NDUFAF4: variants seen among roughly 807,000 people sequenced by gnomAD.
The protein encoded by NDUFAF4 is NADH:ubiquinone oxidoreductase complex assembly factor 4.
In NDUFAF4, 10 loss-of-function variants were observed where a neutral mutation model predicts 15.6. The observed-to-expected ratio is 0.64, with a 90% CI of 0.40 to 1.09. The LOEUF (loss-of-function observed/expected upper bound fraction) is 1.09, where lower values mean the gene tolerates loss of function less well. Among genes scored for constraint, NDUFAF4 ranks in the 50% least tolerant of loss-of-function variants. The probability of loss-of-function intolerance (pLI) is 0.01; values close to 1 mark genes in which losing one functional copy is unlikely to be tolerated. For synonymous variants in NDUFAF4, 77 were observed against 73.3 expected (o/e 1.05, Z -0.26); for missense variants, 203 against 207.3 (o/e 0.98, Z 0.13).
At chr6:96,897,037 C>T (rs1775386650) in intron 1 of NDUFAF4, 190 bp from the exon 2 acceptor site, 2 of 533,140 alleles carry the variant, frequency 3.8e-6, no homozygotes, top group East Asian at 7.0e-5. Context: ...AGAGATTCTC[C>T]CACCTCAGCC....
At position 96,891,304 on chromosome 6, in the gene NDUFAF4, G is replaced by C; in HGVS notation, c.328C>G (p.Pro110Ala). 6.2e-7 allele frequency: 1 copy of C among 1,613,578 alleles called. No homozygotes were observed. Among genetic ancestry groups the C allele is most frequent in the Non-Finnish European group, 8.5e-7 (1 of 1,179,818 alleles). ...TCTACAATGGAAATTTTGCCTTTGG[G>C]AATGCTCTTAATATTTATCATATCA... ...HFDMINIKSIPKGKISIVEAL... is the reference protein window; with the variant it reads ...HFDMINIKSIAKGKISIVEAL... Residue 110 changes from proline to alanine, a missense_variant, in exon 3 of 3, where the codon CCC (proline) becomes GCC (alanine). Transcript: ENST00000316149.
chr6:96,897,666 G>A lies in NDUFAF4; in HGVS notation c.136C>T (p.Leu46Phe), dbSNP rs1441360651. Reference sequence around the variant, plus strand: ...CCCGAAACGCCCTCGCACCACTCACGACTAATCTGCTCTCGCAGGAGGCTG... The same window carrying A: ...CCCGAAACGCCCTCGCACCACTCACAACTAATCTGCTCTCGCAGGAGGCTG... Reference protein sequence around the residue: ...TNSLLREQISLYPEVKGEIAR... With the variant: ...TNSLLREQISFYPEVKGEIAR... The change falls in exon 1 of 3, where the codon CTC (leucine) becomes TTC (phenylalanine). Residue 46 changes from leucine to phenylalanine, a missense_variant and splice_region_variant. Physicochemically the swap from Leu to Phe is conservative, Grantham distance 22 (BLOSUM62 0). Transcript: ENST00000316149. The A allele has an allele frequency of 3.7e-6, 6 of 1,613,880 alleles. No individual in the cohort carries two copies. The highest frequency in any genetic ancestry group is 4.2e-6 in the Non-Finnish European group (5 of 1,179,890).
At chr6:96,896,614 G>GC (rs1443370760) in intron 2 of NDUFAF4, 130 bp downstream of exon 2, 1 of 752,432 alleles carries the variant, frequency 1.3e-6, no homozygotes, top group African/African-American at 1.7e-5. Context: ...CTTAAACTTT[G>GC]CCAAGGCGTG....
At chr6:96,895,158 C>T (rs181315210) in intron 2 of NDUFAF4, among the ~76,000 whole-genome samples, 3 of 152,170 alleles carry the variant, frequency 2.0e-5, no homozygotes, top group Admixed American at 6.6e-5. Context: ...CTATTCCACA[C>T]ATCAAAGACC....
At chr6:96,896,345 A>G (rs542791527) in intron 2 of NDUFAF4, among the ~76,000 whole-genome samples, 1 of 152,308 alleles carries the variant, frequency 6.6e-6, no homozygotes, top group African/African-American at 2.4e-5. Flanking sequence ...AAATCCAACA[A>G]CACCACTTAC....
Position 96,890,777 on chromosome 6 carries a change from G to A in NDUFAF4, c.*327C>T. 1 of 245,584 alleles carries A rather than the reference G, an allele frequency of 4.1e-6. No homozygotes were observed. The highest frequency in any genetic ancestry group is 5.4e-5 in the South Asian group (1 of 18,598). The allele number at this position is 245,584 out of a possible 1,614,324, so 15.2% of individuals were successfully genotyped here. A position where few individuals can be genotyped will look rare whatever the true frequency, so the allele number is the denominator to read the frequency against. ...AGTAAAACTCAGTTGAGGGATTCAG[G>A]ACATTTCCCAAGGGGTAATATGACC... On this transcript the variant is annotated 3_prime_UTR_variant, in exon 3 of 3. Coordinates refer to ENST00000316149, the MANE Select transcript of NDUFAF4 (RefSeq NM_014165.4).
chr6:96,897,779 C>G lies in NDUFAF4; in HGVS notation c.23G>C (p.Gly8Ala). Residue 8 changes from glycine (G) to alanine (A), a missense_variant, in exon 1 of 3, where the codon GGT becomes GCT. Physicochemically the swap from Gly to Ala is moderately conservative, Grantham distance 60 (BLOSUM62 0). Coordinates refer to ENST00000316149, the MANE Select transcript of NDUFAF4 (RefSeq NM_014165.4). ...GTTCTCTAGGTTGAAATTCCTGATA[C>G]CGCGAATCACTAGTGCTCCCATCTC... MGALVIR[G>A]IRNFNLENRA... 1 of 1,614,154 alleles carries G rather than the reference C, an allele frequency of 6.2e-7. No homozygotes were observed. Among genetic ancestry groups the G allele is most frequent in the Non-Finnish European group, 8.5e-7 (1 of 1,179,964 alleles).
In NDUFAF4 at chr6:96,889,336, A is replaced by G. The variant is rs1293168972; in HGVS notation, c.*1768T>C. On this transcript the variant is annotated 3_prime_UTR_variant, in exon 3 of 3. Coordinates refer to ENST00000316149, the MANE Select transcript of NDUFAF4 (RefSeq NM_014165.4). ...TGAATGGTATGGGAAGAAGTTCTTT[A>G]TTTTATCATGTGACACCACATAACA... is the stretch of plus-strand genomic sequence containing the variant. The G allele has an allele frequency of 1.3e-5, 2 of 152,148 alleles. No homozygotes were observed. Among genetic ancestry groups the G allele is most frequent in the African/African-American group, 2.4e-5 (1 of 41,406 alleles). The allele number at this position is 152,148 out of a possible 1,614,324, so 9.4% of individuals were successfully genotyped here. A position where few individuals can be genotyped will look rare whatever the true frequency, so the allele number is the denominator to read the frequency against.
In NDUFAF4 at chr6:96,890,608, T is replaced by C. The variant is rs1349132031; in HGVS notation, c.*496A>G. The C allele has an allele frequency of 6.5e-6, 1 of 154,010 alleles. No individual in the cohort carries two copies. The highest frequency in any genetic ancestry group is 1.4e-5 in the Non-Finnish European group (1 of 69,344). The allele number at this position is 154,010 out of a possible 1,614,324, so 9.5% of individuals were successfully genotyped here. ...TAGATTCTATTGATTCATTTTCTCC[T>C]GTGTGCCTTTATTTGGGAACTACTG... On this transcript the variant is annotated 3_prime_UTR_variant, in exon 3 of 3. Coordinates refer to ENST00000316149, the MANE Select transcript of NDUFAF4 (RefSeq NM_014165.4).
Position 96,890,291 on chromosome 6 carries a change from G to T in NDUFAF4, c.*813C>A, listed in dbSNP as rs1775298300. ...GTAATCACCAAATTTCATCTACCAT[G>T]GTTTTTTAATTATTCTTTAAATTTT... is the stretch of plus-strand genomic sequence containing the variant. On this transcript the variant is annotated 3_prime_UTR_variant, in exon 3 of 3. Coordinates refer to ENST00000316149, the MANE Select transcript of NDUFAF4 (RefSeq NM_014165.4). 6.6e-6 allele frequency: 1 copy of T among 151,870 alleles called. No individual in the cohort carries two copies. The highest frequency in any genetic ancestry group is 2.1e-4 in the South Asian group (1 of 4,828). The allele number at this position is 151,870 out of a possible 1,614,324, so 9.4% of individuals were successfully genotyped here. A position where few individuals can be genotyped will look rare whatever the true frequency, so the allele number is the denominator to read the frequency against.
chr6:96,895,166 A>T (rs921269463), intron 2 of NDUFAF4, among the ~76,000 whole-genome samples: 4 of 152,172 alleles, frequency 2.6e-5, no homozygotes, highest in Non-Finnish European at 4.4e-5. Context: ...CACATCAAAG[A>T]CCACATTTAA....
intron 2 of NDUFAF4, among the ~76,000 whole-genome samples, chr6:96,896,494 G>C (rs1041179607): frequency 6.6e-6 from 1 of 152,310 alleles, no homozygotes; most frequent in East Asian, 1.9e-4. Flanking sequence ...GAAATACTAT[G>C]AAATAATTCA....
rs1482203607 is a variant in NDUFAF4 at position 96,890,218 on chromosome 6, GCTAT to G, written c.*882_*885del. ...ATGATCCTGTTCTCTGCTTCTACTT[GCTAT>G]CTTTTTCTCTTCTCTCAACTAGCAT... On this transcript the variant is annotated 3_prime_UTR_variant, in exon 3 of 3. Coordinates refer to ENST00000316149, the MANE Select transcript of NDUFAF4 (RefSeq NM_014165.4). The G allele has an allele frequency of 5.3e-5, 8 of 152,024 alleles. No homozygotes were observed. Among genetic ancestry groups the G allele is most frequent in the Non-Finnish European group, 1.0e-4 (7 of 68,000 alleles). The allele number at this position is 152,024 out of a possible 1,614,324, so 9.4% of individuals were successfully genotyped here.
intron 1 of NDUFAF4, 28 bp downstream of exon 1, chr6:96,897,638 G>A: frequency 9.3e-6 from 15 of 1,612,558 alleles, no homozygotes; most frequent in Non-Finnish European, 1.3e-5. Context: ...CGCGCCCCCG[G>A]GCCCCGAAAC....
At chr6:96,892,696 C>T (rs1775329626) in intron 2 of NDUFAF4, among the ~76,000 whole-genome samples, 1 of 152,040 alleles carries the variant, frequency 6.6e-6, no homozygotes, top group South Asian at 2.1e-4. Flanking sequence ...TCCATGCCAC[C>T]CCCTCACAGT....
chr6:96,893,041 T>C (rs9487459), intron 2 of NDUFAF4, among the ~76,000 whole-genome samples: 137,267 of 152,152 alleles, frequency 0.9, 62,050 homozygotes, highest in East Asian at 1. Context: ...TATCCTCAAT[T>C]TCAATGACCA....
chr6:96,896,948 T>A, intron 1 of NDUFAF4, 101 bp from the exon 2 acceptor site: 1 of 898,456 alleles, frequency 1.1e-6, no homozygotes, highest in South Asian at 1.4e-5. Flanking sequence ...CTTTTTTGAG[T>A]CGGAGTCTCG....
rs571796525 is a variant in NDUFAF4 at position 96,897,812 on chromosome 6, C to A, written c.-11G>T. The A allele has an allele frequency of 6.3e-5, 101 of 1,613,982 alleles. No individual in the cohort carries two copies. Among genetic ancestry groups the A allele is most frequent in the Non-Finnish European group, 7.9e-5 (93 of 1,179,960 alleles). On this transcript the variant is annotated 5_prime_UTR_variant, in exon 1 of 3. It removes an upstream start codon present in the reference 5' UTR. Transcript: ENST00000316149. The stretch of plus-strand genomic sequence containing the variant: ...CACTAGTGCTCCCATCTCCTCATAA[C>A]ATTATGCGCTCAGGTTCAGGCCGCA...
At chr6:96,895,303 T>C (rs13214953) in intron 2 of NDUFAF4, among the ~76,000 whole-genome samples, 34,272 of 152,150 alleles carry the variant, frequency 0.23, 4,493 homozygotes, top group East Asian at 0.37. Flanking sequence ...ACTGAAATAT[T>C]TGACAGAATT....
Sources: allele counts gnomAD v4.1 joint callset (sites outside exome capture counted in the v4.1 genomes callset), GRCh38; gene constraint gnomAD v4.1.1; transcripts MANE v1.5; gene names NCBI Gene and HGNC (gene_info 2026-07-23, HGNC 2026-07-21).